The following LAPTM4B variants were observed in gnomAD, a reference collection of about 807,000 sequenced individuals.
LAPTM4B encodes the protein lysosomal protein transmembrane 4 beta.
LAPTM4B carries 26 observed loss-of-function variants against 28.5 expected under a neutral mutation model. The observed-to-expected ratio is 0.91, with a 90% CI of 0.67 to 1.27. The LOEUF (loss-of-function observed/expected upper bound fraction) is 1.27, where lower values mean the gene tolerates loss of function less well. LAPTM4B is among the 50% of genes most tolerant of loss of function. The pLI is 0.00. For synonymous variants in LAPTM4B, 109 were observed against 106.4 expected (o/e 1.02, Z -0.15); for missense variants, 288 against 285.8 (o/e 1.01, Z -0.06).
intron 6 of LAPTM4B, among the ~76,000 whole-genome samples, chr8:97,839,222 T>C (rs1199595795): frequency 6.6e-6 from 1 of 152,192 alleles, no homozygotes; most frequent in Non-Finnish European, 1.5e-5. Flanking sequence ...GAGATGGAGT[T>C]TTACTCTTGT....
At chr8:97,823,351 T>C (rs796456145) in intron 5 of LAPTM4B, among the ~76,000 whole-genome samples, 3 of 36,610 alleles carry the variant, frequency 8.2e-5, no homozygotes, top group African/African-American at 4.1e-4. Flanking sequence ...ATGGTTTTTT[T>C]TTTTGTTTTT....
chr8:97,816,279 A>G (rs1162276945), intron 4 of LAPTM4B, 99 bp downstream of exon 4: 3 of 1,187,690 alleles, frequency 2.5e-6, no homozygotes, highest in Non-Finnish European at 3.5e-6. Flanking sequence ...TAATTTCAGG[A>G]TTTTTAGCTT....
chr8:97,809,705 A>T (rs1229416257), intron 2 of LAPTM4B, among the ~76,000 whole-genome samples: 2 of 152,156 alleles, frequency 1.3e-5, no homozygotes, highest in African/African-American at 4.8e-5. Context: ...GTCTCAAATT[A>T]AAAAATTACG....
At chr8:97,830,979 C>T (rs1817175729) in intron 6 of LAPTM4B, among the ~76,000 whole-genome samples, 1 of 152,100 alleles carries the variant, frequency 6.6e-6, no homozygotes, top group South Asian at 2.1e-4. Flanking sequence ...ATCAAAGGGG[C>T]TATACCCTGT....
At chr8:97,786,469 C>T (rs1304334406) in intron 1 of LAPTM4B, among the ~76,000 whole-genome samples, 12 of 150,914 alleles carry the variant, frequency 8.0e-5, no homozygotes, top group East Asian at 5.8e-4. Flanking sequence ...TTTGGGAGGC[C>T]GAGGCGGGCA....
intron 1 of LAPTM4B, among the ~76,000 whole-genome samples, chr8:97,804,131 G>A (rs929789175): frequency 2.0e-5 from 3 of 152,176 alleles, no homozygotes; most frequent in African/African-American, 4.8e-5. Flanking sequence ...TGTAGGCCCA[G>A]CTACTTGGAA....
At chr8:97,842,668 G>A (rs11986478) in intron 6 of LAPTM4B, among the ~76,000 whole-genome samples, 5,806 of 151,870 alleles carry the variant, frequency 0.038, 356 homozygotes, top group African/African-American at 0.13. Flanking sequence ...ACAGGCGCCC[G>A]CCACCACGCC....
intron 3 of LAPTM4B, 79 bp downstream of exon 3, chr8:97,815,480 A>G (rs1586333212): frequency 1.0e-6 from 1 of 984,324 alleles, no homozygotes; most frequent in Non-Finnish European, 1.6e-6. Context: ...TATAGTGAGA[A>G]GTGACTTTCC....
Position 97,789,542 on chromosome 8 carries a change from TGA to T in LAPTM4B, c.99+13439_99+13440del, listed in dbSNP as rs1332053214. 3.2e-3 allele frequency among the ~76,000 whole-genome samples: 478 copies of T among 151,268 alleles called. 1 individual carries two copies. The highest frequency in any genetic ancestry group is 6.9e-3 in the Middle Eastern group (2 of 290). On this transcript the variant is annotated intron_variant, in intron 1 of 6. Coordinates refer to ENST00000521545, the MANE Select transcript of LAPTM4B (RefSeq NM_018407.6). Reference sequence around the variant, plus strand: ...CCTGGCTAATTTTTTTTTTTTTTTTTGAGAGACGGAGATTTGGTCTTATTGTC... The same window carrying T: ...CCTGGCTAATTTTTTTTTTTTTTTTTGAGACGGAGATTTGGTCTTATTGTC...
In LAPTM4B at chr8:97,801,209, G is replaced by A. The variant is rs1170275800; in HGVS notation, c.100-4144G>A. 2.1e-5 allele frequency among the ~76,000 whole-genome samples: 3 copies of A among 141,932 alleles called. No homozygotes were observed. The East Asian group carries it at 6.1e-4, about 29-fold the overall frequency. The allele number at this position is 141,932 out of a possible 152,430, so 93.1% of individuals were successfully genotyped here. A position where few individuals can be genotyped will look rare whatever the true frequency, so the allele number is the denominator to read the frequency against. On this transcript the variant is annotated intron_variant, in intron 1 of 6. Coordinates refer to ENST00000521545, the MANE Select transcript of LAPTM4B (RefSeq NM_018407.6). ...TTTTTTTTTTTTGAGATGGAGTTTC[G>A]CTCTTGTTGCCCAGGCTGGAGTGCA...
At position 97,775,804 on chromosome 8, in the gene LAPTM4B, C is replaced by A; in HGVS notation, c.-206C>A. ...CCCCTCCCCGTCCCCGCCGCTGCAG[C>A]GGTCGCCTTCGGAGCGAAGGGTACC... On this transcript the variant is annotated 5_prime_UTR_variant, in exon 1 of 7. Coordinates refer to ENST00000521545, the MANE Select transcript of LAPTM4B (RefSeq NM_018407.6). 33 of 1,571,452 alleles carry A rather than the reference C, an allele frequency of 2.1e-5. No individual in the cohort carries two copies. Among genetic ancestry groups the A allele is most frequent in the Non-Finnish European group, 2.8e-5 (33 of 1,165,590 alleles).
chr8:97,791,464 C>T (rs894250970), intron 1 of LAPTM4B, among the ~76,000 whole-genome samples: 7 of 152,112 alleles, frequency 4.6e-5, no homozygotes, highest in African/African-American at 1.2e-4. Context: ...TCTTTGAGTA[C>T]GTAATGGTGT....
rs529990832 is a variant in LAPTM4B at position 97,852,795 on chromosome 8, A to G, written c.*1321A>G. On this transcript the variant is annotated 3_prime_UTR_variant, in exon 7 of 7. Transcript: ENST00000521545. The stretch of plus-strand genomic sequence containing the variant: ...GTTTAAGTGGATAACTATATTATTC[A>G]TAAAATGACTGAGTGAAAACTAATA... 3.8e-6 allele frequency: 1 copy of G among 260,028 alleles called. No homozygotes were observed. Among genetic ancestry groups the G allele is most frequent in the African/African-American group, 2.3e-5 (1 of 42,958 alleles). 16.1% of individuals were successfully genotyped at this position (260,028 alleles called of 1,614,324 possible).
chr8:97,805,439 T>G lies in LAPTM4B; in HGVS notation c.186T>G (p.Gly62=). The G allele has an allele frequency of 6.2e-7, 1 of 1,608,866 alleles. No individual in the cohort carries two copies. The highest frequency in any genetic ancestry group is 1.1e-5 in the South Asian group (1 of 90,932). The change falls in exon 2 of 7, where the codon GGT becomes GGG. Residue 62 remains glycine (G), a synonymous_variant. Coordinates refer to ENST00000521545, the MANE Select transcript of LAPTM4B (RefSeq NM_018407.6). ...QYNFSSSELG[G]DFEFMDDANM... ...ACTTTTCAAGTTCTGAACTGGGAGG[T>G]GACTTTGAGTTCATGGATGATGCCA...
chr8:97,796,883 T>G (rs1816593116), intron 1 of LAPTM4B, among the ~76,000 whole-genome samples: 1 of 152,176 alleles, frequency 6.6e-6, no homozygotes, highest in Non-Finnish European at 1.5e-5. Flanking sequence ...GAGGTTGCAG[T>G]GAGCTGAGAT....
At chr8:97,807,463 C>T (rs1816771718) in intron 2 of LAPTM4B, among the ~76,000 whole-genome samples, 2 of 152,176 alleles carry the variant, frequency 1.3e-5, no homozygotes, top group South Asian at 2.1e-4. Context: ...GTGCGTAAAA[C>T]ATGCTTAGAA....
At position 97,787,031 on chromosome 8, in the gene LAPTM4B, A is replaced by G. The variant is rs570755200; in HGVS notation, c.99+10923A>G. Among the ~76,000 whole-genome samples the G allele has an allele frequency of 1.1e-4, 16 of 152,136 alleles. No individual in the cohort carries two copies. The South Asian group carries it at 3.3e-3, about 32-fold the overall frequency. On this transcript the variant is annotated intron_variant, in intron 1 of 6. Transcript: ENST00000521545. ...GTGGGGGTGTAGCTCCACCATCCCA[A>G]ATATTGTGCATGGATTCCTTCTCTG...
chr8:97,843,779 T>TTAAATAAA (rs1817388252), intron 6 of LAPTM4B, among the ~76,000 whole-genome samples: 1 of 115,316 alleles, frequency 8.7e-6, no homozygotes, highest in East Asian at 3.1e-4. Flanking sequence ...AAACTCCATC[T>TTAAATAAA]CAAATAAATA....
At position 97,776,074 on chromosome 8, in the gene LAPTM4B, G is replaced by A; in HGVS notation, c.65G>A (p.Arg22His). Residue 22 changes from arginine (R) to histidine (H), a missense_variant, in exon 1 of 7, where the codon CGC (arginine) becomes CAC (histidine). Transcript: ENST00000521545. ...SNSCCLCCHV[R>H]TGTILLGVWY... is the part of the protein sequence containing the mutation. Reference sequence around the variant, plus strand: ...AGCTGCTGCTTGTGCTGCCATGTCCGCACCGGCACCATCCTGCTCGGCGTC... The same window carrying A: ...AGCTGCTGCTTGTGCTGCCATGTCCACACCGGCACCATCCTGCTCGGCGTC... The A allele has an allele frequency of 1.3e-6, 2 of 1,588,140 alleles. No individual in the cohort carries two copies. Among genetic ancestry groups the A allele is most frequent in the Non-Finnish European group, 1.7e-6 (2 of 1,172,150 alleles).
Sources: allele counts gnomAD v4.1 joint callset (sites outside exome capture counted in the v4.1 genomes callset), GRCh38; gene constraint gnomAD v4.1.1; transcripts MANE v1.5; gene names NCBI Gene and HGNC (gene_info 2026-07-23, HGNC 2026-07-21).